Variants in CACNA1A observed in about 807,000 individuals in gnomAD.
The protein encoded by CACNA1A is voltage-dependent P/Q-type calcium channel subunit alpha-1A.
CACNA1A carries 57 observed loss-of-function variants against 262.4 expected under a neutral mutation model. The observed-to-expected ratio is 0.22, with a 90% CI of 0.18 to 0.27. CACNA1A has a LOEUF of 0.27. Among genes scored for constraint, CACNA1A ranks in the 10% least tolerant of loss-of-function variants. CACNA1A has a pLI of 1.00. For synonymous variants in CACNA1A, 1,431 were observed against 1,419.3 expected, an observed-to-expected ratio of 1.01 and a Z score of -0.18; for missense variants, 2,526 against 3,562.8, an observed-to-expected ratio of 0.71 and a Z score of 7.41.
chr19:13,311,354 T>G (rs951158721), intron 12 of CACNA1A, among the ~76,000 whole-genome samples: 1 of 152,346 alleles, frequency 6.6e-6, no homozygotes, highest in East Asian at 1.9e-4. Flanking sequence ...GCCTCCTGAA[T>G]AGCTGAGGCT....
intron 3 of CACNA1A, among the ~76,000 whole-genome samples, chr19:13,445,332 A>C (rs944878254): frequency 2.0e-5 from 3 of 152,188 alleles, no homozygotes; most frequent in African/African-American, 7.2e-5. Flanking sequence ...AGAGCTGGCA[A>C]AGACCCAGAG....
intron 3 of CACNA1A, among the ~76,000 whole-genome samples, chr19:13,385,508 G>A (rs986980822): frequency 1.6e-4 from 25 of 151,776 alleles, no homozygotes; most frequent in Non-Finnish European, 7.4e-5. Context: ...GATTACAGGC[G>A]TGAGCCACTG....
chr19:13,318,203 A>G (rs10406620), intron 10 of CACNA1A, among the ~76,000 whole-genome samples: 44,594 of 151,980 alleles, frequency 0.29, 7,128 homozygotes, highest in East Asian at 0.47. Context: ...GTAGGCTGCA[A>G]CATTAAATTG....
intron 1 of CACNA1A, among the ~76,000 whole-genome samples, chr19:13,479,070 AG>A (rs1180701266): frequency 6.6e-6 from 1 of 152,172 alleles, no homozygotes; most frequent in Non-Finnish European, 1.5e-5. Flanking sequence ...GCTACTCAGG[AG>A]GCTGAGGCAG....
In CACNA1A at chr19:13,340,993, G is replaced by A. The variant is rs528684078; in HGVS notation, c.979-5084C>T. 9.2e-5 allele frequency among the ~76,000 whole-genome samples: 14 copies of A among 152,272 alleles called. No individual in the cohort carries two copies. In the South Asian group the frequency reaches 2.9e-3, roughly 32 times the overall value. On this transcript the variant is annotated intron_variant, in intron 6 of 46. Coordinates refer to ENST00000360228, the MANE Select transcript of CACNA1A (RefSeq NM_001127222.2). ...AGGCTGAGGTAGGAGGATTGCTTGA[G>A]GCCAGGAGTTTGAGGCTGTAGTGAG...
chr19:13,232,365 T>C (rs1004956761), intron 34 of CACNA1A, among the ~76,000 whole-genome samples: 3 of 151,984 alleles, frequency 2.0e-5, no homozygotes, highest in Admixed American at 2.0e-4. Context: ...TCCTGGCTAA[T>C]TTTTAAACTA....
intron 3 of CACNA1A, among the ~76,000 whole-genome samples, chr19:13,415,606 T>A (rs2060205763): frequency 6.6e-6 from 1 of 151,414 alleles, no homozygotes; most frequent in African/African-American, 2.4e-5. Context: ...CCAGGCATGG[T>A]GGTGCACGCC....
At chr19:13,435,815 T>G (rs796353936) in intron 3 of CACNA1A, among the ~76,000 whole-genome samples, 54 of 152,032 alleles carry the variant, frequency 3.6e-4, no homozygotes, top group African/African-American at 1.3e-3. Flanking sequence ...CACACAAGGC[T>G]TTACTTGTTT....
At chr19:13,429,167 TACACACACACACACACACACAC>T (rs56218610) in intron 3 of CACNA1A, among the ~76,000 whole-genome samples, 1 of 141,152 alleles carries the variant, frequency 7.1e-6, no homozygotes, top group Admixed American at 7.3e-5. Flanking sequence ...TCACTGTGCG[TACACACACACACACACACACAC>T]ACACACACAC....
chr19:13,295,452 C>T (rs1600264053), intron 19 of CACNA1A, among the ~76,000 whole-genome samples: 1 of 151,196 alleles, frequency 6.6e-6, no homozygotes, highest in South Asian at 2.1e-4. Flanking sequence ...ATTACCTGTG[C>T]TTTTAGTTTG....
chr19:13,343,848 A>C, intron 6 of CACNA1A, among the ~76,000 whole-genome samples: 1 of 152,326 alleles, frequency 6.6e-6, no homozygotes, highest in Middle Eastern at 3.4e-3. Context: ...AGGGAAGTTT[A>C]CACTTGACCT....
rs576111099 is a variant in CACNA1A, at chr19:13,287,004, G to A, written c.3090-38C>T. 2.0e-6 allele frequency: 3 copies of A among 1,468,598 alleles called. No individual in the cohort carries two copies. In the East Asian group the frequency reaches 6.9e-5, roughly 34 times the overall value. 91.0% of individuals were successfully genotyped at this position (1,468,598 alleles called of 1,614,324 possible). A position where few individuals can be genotyped will look rare whatever the true frequency, so the allele number is the denominator to read the frequency against. On this transcript the variant is annotated intron_variant, in intron 19 of 46. Coordinates refer to ENST00000360228, the MANE Select transcript of CACNA1A (RefSeq NM_001127222.2). ...AGTGAATGAAAAAGAACCAACAACT[G>A]ATTTAGGATAAAAGGCAACAGTTCA...
chr19:13,317,556 G>C (rs1417032544), intron 10 of CACNA1A, among the ~76,000 whole-genome samples: 6 of 152,222 alleles, frequency 3.9e-5, no homozygotes, highest in Non-Finnish European at 8.8e-5. Flanking sequence ...TGGGAAGGCT[G>C]ATAGTTCTCT....
intron 30 of CACNA1A, among the ~76,000 whole-genome samples, chr19:13,251,410 G>T (rs187567654): frequency 3.0e-4 from 46 of 152,256 alleles, no homozygotes; most frequent in Non-Finnish European, 5.9e-4. Context: ...GTGAACCCAG[G>T]GGGTGGAGCT....
chr19:13,248,537 T>G (rs1227533879), intron 30 of CACNA1A, among the ~76,000 whole-genome samples: 1 of 147,712 alleles, frequency 6.8e-6, no homozygotes, highest in Non-Finnish European at 1.5e-5. Flanking sequence ...CAGCAGAAGA[T>G]CAACTCAGAA....
At chr19:13,372,719 CG>C (rs1231415608) in intron 3 of CACNA1A, among the ~76,000 whole-genome samples, 1 of 152,078 alleles carries the variant, frequency 6.6e-6, no homozygotes, top group Non-Finnish European at 1.5e-5. Context: ...CACAGGTTAC[CG>C]GTATGCTAAC....
rs951101232 is a variant in CACNA1A, at chr19:13,468,561, C to T, written c.294-13349G>A. 1.4e-4 allele frequency among the ~76,000 whole-genome samples: 21 copies of T among 152,024 alleles called. 1 individual carries two copies. Among genetic ancestry groups the T allele is most frequent in the Non-Finnish European group, 2.2e-4 (15 of 68,010 alleles). ...CAGCACTTTGGGAGGCCAAGGTGGC[C>T]GGATCACTTCAGATCAGGAGTTTGA... On this transcript the variant is annotated intron_variant, in intron 1 of 46. Coordinates refer to ENST00000360228, the MANE Select transcript of CACNA1A (RefSeq NM_001127222.2).
chr19:13,298,059 G>A (rs2057702909), intron 19 of CACNA1A, among the ~76,000 whole-genome samples: 1 of 151,744 alleles, frequency 6.6e-6, no homozygotes, highest in Admixed American at 6.6e-5. Context: ...CTGACCTCAA[G>A]TGATCCGCCC....
intron 3 of CACNA1A, among the ~76,000 whole-genome samples, chr19:13,416,712 G>T (rs998029351): frequency 6.6e-6 from 1 of 152,138 alleles, no homozygotes; most frequent in Non-Finnish European, 1.5e-5. Flanking sequence ...CTACTCAGGA[G>T]GCTGAGGCAA....
Sources: allele counts gnomAD v4.1 joint callset (sites outside exome capture counted in the v4.1 genomes callset), GRCh38; gene constraint gnomAD v4.1.1; transcripts MANE v1.5; gene names NCBI Gene and HGNC (gene_info 2026-07-23, HGNC 2026-07-21).